The following AFG2A variants were observed in gnomAD, a reference collection of about 807,000 sequenced individuals.
AFG2A encodes the protein AAA ATPase AFG2A.
the AFG2A span, among the ~76,000 whole-genome samples, chr4:123,052,263 G>T: frequency 1.3e-5 from 2 of 151,868 alleles, no homozygotes; most frequent in Non-Finnish European, 2.9e-5. Context: ...TTTGCTCATT[G>T]TATTTTCCAG....
the AFG2A span, among the ~76,000 whole-genome samples, chr4:123,112,513 A>G: frequency 1.3e-5 from 2 of 152,194 alleles, no homozygotes; most frequent in African/African-American, 2.4e-5. Flanking sequence ...TATTTTTAAC[A>G]TATCACATTT....
chr4:122,974,839 C>T, the AFG2A span, among the ~76,000 whole-genome samples: 4 of 151,924 alleles, frequency 2.6e-5, no homozygotes, highest in South Asian at 4.2e-4. Context: ...GTGGTTTCTC[C>T]ATGTTGGTCA....
At chr4:123,046,705 GTC>G in the AFG2A span, among the ~76,000 whole-genome samples, 26 of 152,024 alleles carry the variant, frequency 1.7e-4, no homozygotes, top group Non-Finnish European at 3.1e-4. Context: ...TAACTATGAT[GTC>G]TCTACTGTAC....
the AFG2A span, among the ~76,000 whole-genome samples, chr4:123,030,135 A>G: frequency 6.6e-6 from 1 of 152,146 alleles, no homozygotes; most frequent in Admixed American, 6.5e-5. Context: ...TATTCATAGT[A>G]TTAGAATTTT....
chr4:122,941,266 C>A, the AFG2A span, among the ~76,000 whole-genome samples: 1 of 151,682 alleles, frequency 6.6e-6, no homozygotes, highest in Non-Finnish European at 1.5e-5. Flanking sequence ...TACCCATGAG[C>A]ATGGAATGTT....
At chr4:123,143,781 C>T in the AFG2A span, among the ~76,000 whole-genome samples, 3 of 149,640 alleles carry the variant, frequency 2.0e-5, no homozygotes, top group African/African-American at 7.4e-5. Flanking sequence ...TAAAAATACT[C>T]CTGAACCCAA....
At chr4:123,020,104 A>C in the AFG2A span, among the ~76,000 whole-genome samples, 1 of 151,898 alleles carries the variant, frequency 6.6e-6, no homozygotes, top group Non-Finnish European at 1.5e-5. Flanking sequence ...CATCTGCGTC[A>C]TGCTTTTCTT....
At chr4:123,010,595 T>C in the AFG2A span, among the ~76,000 whole-genome samples, 1 of 152,180 alleles carries the variant, frequency 6.6e-6, no homozygotes. Flanking sequence ...CCAACTCTAC[T>C]TATAGCAGCC....
chr4:123,092,086 C>A, the AFG2A span, among the ~76,000 whole-genome samples: 1 of 152,162 alleles, frequency 6.6e-6, no homozygotes, highest in South Asian at 2.1e-4. Flanking sequence ...TCATTCCCTT[C>A]CTGATGCAGT....
the AFG2A span, among the ~76,000 whole-genome samples, chr4:123,142,591 A>G: frequency 6.6e-6 from 1 of 152,126 alleles, no homozygotes; most frequent in Admixed American, 6.5e-5. Context: ...ACAACTTGAG[A>G]TACGTTAACT....
the AFG2A span, among the ~76,000 whole-genome samples, chr4:122,943,046 TA>T: frequency 1.3e-5 from 2 of 152,182 alleles, no homozygotes; most frequent in Non-Finnish European, 2.9e-5. Flanking sequence ...AGGAGAGCTT[TA>T]CTTCCAACTA....
chr4:123,149,041 T>A, the AFG2A span, among the ~76,000 whole-genome samples: 1 of 152,126 alleles, frequency 6.6e-6, no homozygotes, highest in Admixed American at 6.5e-5. Context: ...AGTGCTGGGA[T>A]TATAGGCGTG....
chr4:123,068,193 T>C, the AFG2A span, among the ~76,000 whole-genome samples: 3 of 152,166 alleles, frequency 2.0e-5, no homozygotes, highest in African/African-American at 7.2e-5. Context: ...TTTCATAGAG[T>C]TGTTTTTGAT....
At chr4:123,058,285 G>A in the AFG2A span, among the ~76,000 whole-genome samples, 1 of 152,214 alleles carries the variant, frequency 6.6e-6, no homozygotes, top group Non-Finnish European at 1.5e-5. Context: ...GGTGGTGACA[G>A]GCAAGAGAGA....
the AFG2A span, among the ~76,000 whole-genome samples, chr4:123,077,053 T>G: frequency 5.4e-5 from 8 of 148,430 alleles, no homozygotes; most frequent in East Asian, 3.9e-4. Flanking sequence ...GTTGTTTTTT[T>G]TTTTTTTTTT....
the AFG2A span, among the ~76,000 whole-genome samples, chr4:123,214,364 A>AG: frequency 6.6e-6 from 1 of 152,150 alleles, no homozygotes; most frequent in Non-Finnish European, 1.5e-5. Context: ...TACTGTTAGT[A>AG]GAAAGTTTAG....
the AFG2A span, among the ~76,000 whole-genome samples, chr4:123,135,636 A>G: frequency 1.3e-5 from 2 of 152,256 alleles, no homozygotes; most frequent in African/African-American, 4.8e-5. Flanking sequence ...TCATCAAACA[A>G]TATAGTATAA....
the AFG2A span, among the ~76,000 whole-genome samples, chr4:123,201,541 G>A: frequency 6.6e-6 from 1 of 152,104 alleles, no homozygotes; most frequent in Admixed American, 6.6e-5. Context: ...GCAAAAATGG[G>A]GTGTTTGAGT....
At chr4:122,983,729 T>G in the AFG2A span, among the ~76,000 whole-genome samples, 1 of 152,228 alleles carries the variant, frequency 6.6e-6, no homozygotes, top group Non-Finnish European at 1.5e-5. Context: ...TAAGATATGA[T>G]CTATCCTTCA....
Sources: gnomAD v4.1 joint callset for allele counts (sites outside exome capture counted in the v4.1 genomes callset) on GRCh38, gnomAD v4.1.1 for gene constraint, MANE v1.5 for transcripts, NCBI Gene and HGNC (gene_info 2026-07-23, HGNC 2026-07-21) for gene names.